AHSG: variants seen among roughly 807,000 people sequenced by gnomAD.
AHSG encodes the protein alpha 2-HS glycoprotein, also known as alpha-2-HS-glycoprotein.
Under a neutral mutation model 30.1 loss-of-function variants are expected in AHSG, and 23 were observed. The ratio of observed to expected loss-of-function variants is 0.76; its 90% CI spans 0.55 to 1.08. The LOEUF (loss-of-function observed/expected upper bound fraction) is 1.08. Among genes scored for constraint, AHSG ranks in the 50% least tolerant of loss-of-function variants. AHSG has a pLI of 0.00. For synonymous variants in AHSG, 164 were observed against 186.3 expected, an observed-to-expected ratio of 0.88 and a Z score of 0.98; for missense variants, 469 against 459.5, an observed-to-expected ratio of 1.02 and a Z score of -0.19.
chr3:186,613,124 G>A lies in AHSG; in HGVS notation c.-18G>A. 6.2e-7 allele frequency: 1 copy of A among 1,613,350 alleles called. No homozygotes were observed. Among genetic ancestry groups the A allele is most frequent in the Non-Finnish European group, 8.5e-7 (1 of 1,179,618 alleles). On this transcript the variant is annotated 5_prime_UTR_variant, in exon 1 of 7. Coordinates refer to ENST00000411641, the MANE Select transcript of AHSG (RefSeq NM_001622.4). ...CTCCAACCACCTGCACGCCTGCCAG[G>A]GCCTCTCTGGGGCAGCCATGAAGTC...
chr3:186,620,576 C>CTTTTTTTTTTT lies in AHSG; in HGVS notation c.760-5_760-4insTTTTTTTTTTT, dbSNP rs1183942903. ...AGCAAACTAACTGAAGGAAATGGTC[C>CTTTTTTTTTTT]TTTTTCCAGCCCGTGAGCTCACAGC... On this transcript the variant is annotated splice_polypyrimidine_tract_variant and intron_variant, in intron 6 of 6. Transcript: ENST00000411641. The CTTTTTTTTTTT allele has an allele frequency of 6.3e-7, 1 of 1,581,600 alleles. No homozygotes were observed. Among genetic ancestry groups the CTTTTTTTTTTT allele is most frequent in the South Asian group, 1.1e-5 (1 of 87,822 alleles).
chr3:186,618,630 C>G lies in AHSG; in HGVS notation c.668C>G (p.Ala223Gly), dbSNP rs762195916. 1 of 1,614,006 alleles carries G rather than the reference C, an allele frequency of 6.2e-7. No individual in the cohort carries two copies. Among genetic ancestry groups the G allele is most frequent in the Non-Finnish European group, 8.5e-7 (1 of 1,179,904 alleles). Residue 223 changes from alanine (A) to glycine (G), a missense_variant, in exon 5 of 7, where the codon GCA (alanine) becomes GGA (glycine). Ala to Gly is a moderately conservative substitution (Grantham distance 60). Transcript: ENST00000411641. ...ATEAAKCNLL[A>G]EKQYGFCKAT... is the part of the protein sequence containing the mutation. ...GAGGCAGCCAAGTGTAACCTGCTGG[C>G]AGAAAAGGTGAGTGGGCCGGGACCT...
At chr3:186,620,560 A>G (rs1043243904) in intron 6 of AHSG, 26 bp from the exon 7 acceptor site, 2 of 1,562,454 alleles carry the variant, frequency 1.3e-6, no homozygotes, top group African/African-American at 2.7e-5. Context: ...AAGCAAACTA[A>G]CTGAAGGAAA....
intron 1 of AHSG, among the ~76,000 whole-genome samples, chr3:186,615,021 C>A (rs1364567162): frequency 6.6e-6 from 1 of 152,202 alleles, no homozygotes; most frequent in Non-Finnish European, 1.5e-5. Context: ...GGAGACATGC[C>A]CTTCCCCATT....
At chr3:186,617,632 T>A (rs1716351425) in intron 4 of AHSG, 3 of 517,856 alleles carry the variant, frequency 5.8e-6, no homozygotes, top group Admixed American at 3.3e-5. Context: ...CCGTTCCAGC[T>A]AAAACCAAAG....
In AHSG at chr3:186,616,562, T is replaced by C. The variant is rs764228063; in HGVS notation, c.409+35T>C. ...ACTATTCTTATTCTCATTTTTTCCT[T>C]GTAGAGAAAGTGGGGAAGGGATCTG... On this transcript the variant is annotated intron_variant, in intron 3 of 6. Transcript: ENST00000411641. The C allele has an allele frequency of 1.3e-5, 20 of 1,536,188 alleles. 1 individual carries two copies. The Admixed American group carries it at 3.3e-4, about 25-fold the overall frequency.
intron 3 of AHSG, 144 bp from the exon 4 acceptor site, chr3:186,617,043 C>T: frequency 6.7e-7 from 1 of 1,484,642 alleles, no homozygotes; most frequent in Non-Finnish European, 8.9e-7. Flanking sequence ...GTCAGCATAG[C>T]AAAAGCCTTT....
rs1553852994 is a variant in AHSG, at chr3:186,616,457, CTG to C, written c.342_343del (p.Cys114Ter). 6.2e-7 allele frequency: 1 copy of C among 1,613,310 alleles called. No individual in the cohort carries two copies. The highest frequency in any genetic ancestry group is 1.1e-5 in the South Asian group (1 of 90,816). ...QLKEHAVEGDCDFQLLKLDGK... is the reference protein window; with the variant it reads ...QLKEHAVEGDXDFQLLKLDGK... The stretch of plus-strand genomic sequence containing the variant: ...TCTTTCTCCAGGCTGTCGAAGGAGA[CTG>C]TGATTTCCAGCTGTTGAAACTAGAT... On this transcript the variant is annotated frameshift_variant, in exon 3 of 7. Transcript: ENST00000411641. LOFTEE classifies it high-confidence loss of function.
chr3:186,617,400 G>A (rs571856872), intron 4 of AHSG, 50 bp downstream of exon 4: 1 of 1,613,922 alleles, frequency 6.2e-7, no homozygotes, highest in African/African-American at 1.3e-5. Flanking sequence ...TGGCACTTCG[G>A]GAATGTACTG....
rs1440703437 is a variant in AHSG at position 186,615,854 on chromosome 3, C to G, written c.324+59C>G. The G allele has an allele frequency of 2.0e-6, 3 of 1,473,386 alleles. No homozygotes were observed. In the East Asian group the frequency reaches 6.8e-5, roughly 34 times the overall value. The allele number at this position is 1,473,386 out of a possible 1,614,324, so 91.3% of individuals were successfully genotyped here. A position where few individuals can be genotyped will look rare whatever the true frequency, so the allele number is the denominator to read the frequency against. ...CCTTCGGCCAGCTCCACCGATTCAC[C>G]CAGCGTCTCAGCCTGCCTTCTTGGC... On this transcript the variant is annotated intron_variant, in intron 2 of 6. Coordinates refer to ENST00000411641, the MANE Select transcript of AHSG (RefSeq NM_001622.4).
intron 4 of AHSG, 93 bp downstream of exon 4, chr3:186,617,443 G>GC: frequency 6.2e-7 from 1 of 1,603,020 alleles, no homozygotes; most frequent in Non-Finnish European, 8.5e-7. Context: ...GGAAGAACAG[G>GC]CGCAGGGGCA....
intron 5 of AHSG, 133 bp downstream of exon 5, chr3:186,618,770 C>T (rs149506135): frequency 3.8e-5 from 55 of 1,430,042 alleles, no homozygotes; most frequent in South Asian, 1.0e-4. Context: ...CTGTGGATCA[C>T]GGCAAGCCTT....
Position 186,620,711 on chromosome 3 carries a change from A to C in AHSG, c.885A>C (p.Pro295=). 1 of 1,614,092 alleles carries C rather than the reference A, an allele frequency of 6.2e-7. No homozygotes were observed. The highest frequency in any genetic ancestry group is 1.7e-5 in the Admixed American group (1 of 60,014). The part of the protein sequence containing the change: ...APGLPPAGSP[P]DSHVLLAAPP... Reference sequence around the variant, plus strand: ...GACTCCCTCCAGCTGGCTCACCCCCAGACTCCCATGTGTTACTGGCAGCTC... The same window carrying C: ...GACTCCCTCCAGCTGGCTCACCCCCCGACTCCCATGTGTTACTGGCAGCTC... The change falls in exon 7 of 7, where the codon CCA becomes CCC. Residue 295 remains proline, a synonymous_variant. Transcript: ENST00000411641.
chr3:186,618,665 A>AC (rs1175605472), intron 5 of AHSG, 28 bp downstream of exon 5: 1 of 1,611,504 alleles, frequency 6.2e-7, no homozygotes. Flanking sequence ...TTGGGGTGTT[A>AC]CCACTCGGAC....
At chr3:186,620,341 A>G (rs776096521) in intron 6 of AHSG, among the ~76,000 whole-genome samples, 11 of 152,142 alleles carry the variant, frequency 7.2e-5, no homozygotes, top group Non-Finnish European at 1.5e-4. Context: ...CTCATTGGAC[A>G]TATGCGTGTA....
chr3:186,618,699 T>A (rs1033933844), intron 5 of AHSG, 62 bp downstream of exon 5: 11 of 1,583,200 alleles, frequency 6.9e-6, no homozygotes, highest in African/African-American at 1.3e-5. Flanking sequence ...GAACAGAACA[T>A]CCTTGGATAG....
At chr3:186,617,975 ATC>A in intron 4 of AHSG, 1 of 159,386 alleles carries the variant, frequency 6.3e-6, no homozygotes, top group Non-Finnish European at 1.4e-5. Context: ...TTCTCAGAAC[ATC>A]CCCACCCCAG....
At chr3:186,615,661 C>A in intron 1 of AHSG, 24 bp from the exon 2 acceptor site, 1 of 1,599,956 alleles carries the variant, frequency 6.3e-7, no homozygotes, top group South Asian at 1.1e-5. Context: ...AGGTTGCTCA[C>A]GGCTTCACTC....
chr3:186,616,336 G>T, intron 2 of AHSG, 107 bp from the exon 3 acceptor site: 1 of 746,066 alleles, frequency 1.3e-6, no homozygotes. Flanking sequence ...GTATTACCCA[G>T]CAAAGGCGAT....
Sources: allele counts gnomAD v4.1 joint callset (sites outside exome capture counted in the v4.1 genomes callset), GRCh38; gene constraint gnomAD v4.1.1; transcripts MANE v1.5; gene names NCBI Gene and HGNC (gene_info 2026-07-23, HGNC 2026-07-21).